The following CUBN variants were observed in gnomAD, a reference collection of about 807,000 sequenced individuals.
CUBN encodes the protein cubilin.
Under a neutral mutation model 405.3 loss-of-function variants are expected in CUBN, and 282 were observed. The ratio of observed to expected loss-of-function variants is 0.70; its 90% CI spans 0.63 to 0.77. The LOEUF (loss-of-function observed/expected upper bound fraction) is 0.77, where lower values mean the gene tolerates loss of function less well. Ranked by LOEUF, CUBN falls within the 30% of genes least tolerant of loss-of-function variation. The probability of loss-of-function intolerance (pLI) is 0.00; values close to 1 mark genes in which losing one functional copy is unlikely to be tolerated. For missense variants in CUBN, 4,514 were observed against 4,475.2 expected, an observed-to-expected ratio of 1.01 and a Z score of -0.25; for synonymous variants, 1,684 against 1,617.0, an observed-to-expected ratio of 1.04 and a Z score of -0.99.
intron 36 of CUBN, among the ~76,000 whole-genome samples, chr10:16,941,773 T>C (rs990892302): frequency 6.6e-6 from 1 of 152,028 alleles, no homozygotes. Context: ...GCCTGGGAGA[T>C]AGAGGCTGAA....
intron 59 of CUBN, among the ~76,000 whole-genome samples, chr10:16,852,076 CATCTTTCCCTCCCTCCCTCT>C (rs1839720727): frequency 1.2e-5 from 1 of 84,696 alleles, no homozygotes; most frequent in African/African-American, 4.7e-5. Context: ...CTCCCTCCAT[CATCTTTCCCTCCCTCCCTCT>C]ATCTTTCCCT....
chr10:17,123,957 T>C (rs1837108286), intron 4 of CUBN, among the ~76,000 whole-genome samples: 1 of 152,156 alleles, frequency 6.6e-6, no homozygotes, highest in Admixed American at 6.5e-5. Flanking sequence ...AGATTCTCAC[T>C]TTGTCTTGGA....
At chr10:17,043,758 A>G (rs1436277129) in intron 26 of CUBN, 69 bp downstream of exon 26, 2 of 1,600,606 alleles carry the variant, frequency 1.2e-6, no homozygotes, top group East Asian at 2.2e-5. Context: ...CAGTATTCAC[A>G]CTTACTCTGC....
intron 40 of CUBN, among the ~76,000 whole-genome samples, chr10:16,928,532 C>CCTTTTTTT (rs1403918589): frequency 9.3e-6 from 1 of 107,122 alleles, no homozygotes; most frequent in Non-Finnish European, 1.9e-5. Flanking sequence ...CCACCCCCCC[C>CCTTTTTTT]TTTTTTTTTT....
chr10:16,887,823 C>T lies in CUBN; in HGVS notation c.8905+594G>A, dbSNP rs550050456. Among the ~76,000 whole-genome samples the T allele has an allele frequency of 9.2e-5, 14 of 152,272 alleles. No homozygotes were observed. In the South Asian group the frequency reaches 1.0e-3, roughly 11 times the overall value. ...ATAATGGCCAAGACATGGAATGGAC[C>T]TGAGTGTCCACCAGTGAATGAATGG... On this transcript the variant is annotated intron_variant, in intron 56 of 66. Transcript: ENST00000377833.
rs57009841 is a variant in CUBN at position 16,889,953 on chromosome 10, A to AAAAAAAAAAAAAAAAAAAAAAAAAAG, written c.8755+417_8755+418insCTTTTTTTTTTTTTTTTTTTTTTTTT. Among the ~76,000 whole-genome samples, 17 of 118,022 alleles carry AAAAAAAAAAAAAAAAAAAAAAAAAAG rather than the reference A, an allele frequency of 1.4e-4. 4 individuals carry two copies. The highest frequency in any genetic ancestry group is 6.7e-4 in the African/African-American group (16 of 23,882). The allele number at this position is 118,022 out of a possible 152,430, so 77.4% of individuals were successfully genotyped here. ...GCCGTGTCAAAAAAAAAAAAAAAAA[A>AAAAAAAAAAAAAAAAAAAAAAAAAAG]CAGGAAAGACTTCGTCATGGAAATT... On this transcript the variant is annotated intron_variant, in intron 55 of 66. Transcript: ENST00000377833.
chr10:17,087,476 T>TTA (rs201545401), intron 15 of CUBN, among the ~76,000 whole-genome samples: 9,019 of 108,698 alleles, frequency 0.083, 1,129 homozygotes, highest in African/African-American at 0.28. Context: ...CTTTTTCTTT[T>TTA]TTTTTTTTTT....
intron 31 of CUBN, among the ~76,000 whole-genome samples, chr10:16,980,752 G>C (rs1480031186): frequency 6.6e-6 from 1 of 152,014 alleles, no homozygotes; most frequent in African/African-American, 2.4e-5. Flanking sequence ...ATGACGGGTT[G>C]ATGAGTGCAG....
At chr10:16,999,518 T>C (rs879689045) in intron 28 of CUBN, among the ~76,000 whole-genome samples, 1 of 152,198 alleles carries the variant, frequency 6.6e-6, no homozygotes, top group African/African-American at 2.4e-5. Flanking sequence ...ATCAATCTCT[T>C]TTCCCTCTCC....
intron 32 of CUBN, among the ~76,000 whole-genome samples, chr10:16,953,914 A>G (rs78813758): frequency 1.4e-5 from 2 of 146,980 alleles, no homozygotes; most frequent in Admixed American, 6.8e-5. Flanking sequence ...AAGGGGAAGA[A>G]GAGGGGAGGA....
At chr10:16,902,123 A>T (rs1024506330) in intron 51 of CUBN, among the ~76,000 whole-genome samples, 13 of 137,242 alleles carry the variant, frequency 9.5e-5, no homozygotes, top group Admixed American at 7.9e-4. Flanking sequence ...CATATATAGT[A>T]TATATATACA....
At chr10:16,997,721 T>G (rs1833775182) in intron 28 of CUBN, among the ~76,000 whole-genome samples, 2 of 152,194 alleles carry the variant, frequency 1.3e-5, no homozygotes, top group South Asian at 4.1e-4. Flanking sequence ...CTCCTTAAAA[T>G]GGCCAAAGTT....
intron 59 of CUBN, among the ~76,000 whole-genome samples, chr10:16,862,969 C>A (rs1426627858): frequency 2.0e-5 from 3 of 152,216 alleles, no homozygotes. Flanking sequence ...ACAGCCCCAT[C>A]CTTCAAGACC....
chr10:16,901,945 GTA>G (rs769364445), intron 51 of CUBN, among the ~76,000 whole-genome samples: 12 of 99,196 alleles, frequency 1.2e-4, no homozygotes, highest in Non-Finnish European at 1.4e-4. Flanking sequence ...ACCATATATA[GTA>G]TATATATATA....
chr10:16,900,488 C>A, intron 53 of CUBN, 137 bp downstream of exon 53: 1 of 735,658 alleles, frequency 1.4e-6, no homozygotes, highest in South Asian at 1.5e-5. Context: ...GTTATCCCAC[C>A]AGGGTTGCTG....
chr10:17,040,136 TA>T, intron 27 of CUBN, among the ~76,000 whole-genome samples: 1 of 152,274 alleles, frequency 6.6e-6, no homozygotes, highest in South Asian at 2.1e-4. Context: ...GTAAGACTTC[TA>T]AAAATCACTG....
chr10:17,021,970 C>A (rs775817527), intron 27 of CUBN, among the ~76,000 whole-genome samples: 12 of 152,156 alleles, frequency 7.9e-5, no homozygotes, highest in African/African-American at 1.2e-4. Context: ...CCATGCATCT[C>A]CAATGAATGA....
intron 40 of CUBN, among the ~76,000 whole-genome samples, chr10:16,930,147 A>G (rs1364828272): frequency 6.6e-6 from 1 of 152,220 alleles, no homozygotes; most frequent in South Asian, 2.1e-4. Context: ...AAAGAACAGT[A>G]AAGGCTAGCA....
intron 27 of CUBN, among the ~76,000 whole-genome samples, chr10:17,027,419 G>A (rs1225382283): frequency 1.3e-5 from 2 of 151,876 alleles, no homozygotes; most frequent in Admixed American, 6.6e-5. Context: ...AATCTCCTTC[G>A]AATATTAAAA....
Sources: gnomAD v4.1 joint callset for allele counts (sites outside exome capture counted in the v4.1 genomes callset) on GRCh38, gnomAD v4.1.1 for gene constraint, MANE v1.5 for transcripts, NCBI Gene and HGNC (gene_info 2026-07-23, HGNC 2026-07-21) for gene names.